LMX1A: variants seen among roughly 807,000 people sequenced by gnomAD.
LMX1A encodes LIM homeobox transcription factor 1 alpha.
A neutral mutation model predicts 49.1 loss-of-function variants in LMX1A; 15 were observed. The ratio of observed to expected loss-of-function variants is 0.31; its 90% confidence interval spans 0.20 to 0.47. LMX1A has a LOEUF of 0.47. LMX1A is among the 20% of genes least tolerant of loss of function. The pLI is 1.00. For missense variants in LMX1A, 372 were observed against 475.8 expected (o/e 0.78, Z 2.03); for synonymous variants, 167 against 185.7 (o/e 0.90, Z 0.82).
At chr1:165,262,699 C>G (rs1653482436) in intron 3 of LMX1A, among the ~76,000 whole-genome samples, 1 of 152,096 alleles carries the variant, frequency 6.6e-6, no homozygotes. Flanking sequence ...TATATTCTCC[C>G]TCTTTGCAAA....
intron 3 of LMX1A, among the ~76,000 whole-genome samples, chr1:165,288,990 G>A (rs1378297614): frequency 1.3e-5 from 2 of 152,298 alleles, no homozygotes; most frequent in East Asian, 3.9e-4. Context: ...ATCAGAGCTG[G>A]CAGCTGGGCC....
chr1:165,303,439 G>A (rs1336583027), intron 3 of LMX1A, among the ~76,000 whole-genome samples: 2 of 152,216 alleles, frequency 1.3e-5, no homozygotes, highest in African/African-American at 2.4e-5. Flanking sequence ...CTGGTGCTTT[G>A]GGTTGTTCAT....
At chr1:165,322,976 C>T (rs1655466594) in intron 3 of LMX1A, among the ~76,000 whole-genome samples, 1 of 152,128 alleles carries the variant, frequency 6.6e-6, no homozygotes, top group Non-Finnish European at 1.5e-5. Context: ...GATCAGAACA[C>T]AATTTGCTGA....
chr1:165,297,161 C>A (rs868487788), intron 3 of LMX1A, among the ~76,000 whole-genome samples: 1 of 152,228 alleles, frequency 6.6e-6, no homozygotes, highest in Non-Finnish European at 1.5e-5. Flanking sequence ...CCTGTCTCTA[C>A]CTCTGTTCAC....
chr1:165,316,861 C>T (rs893616178), intron 3 of LMX1A, among the ~76,000 whole-genome samples: 2 of 152,152 alleles, frequency 1.3e-5, no homozygotes, highest in Admixed American at 6.5e-5. Flanking sequence ...CACTCGGGCC[C>T]GGGCAAAGCT....
chr1:165,258,127 T>C (rs1653309937), intron 3 of LMX1A, among the ~76,000 whole-genome samples: 1 of 152,216 alleles, frequency 6.6e-6, no homozygotes, highest in Non-Finnish European at 1.5e-5. Flanking sequence ...GGGGGCAGCA[T>C]AGCAGCATTC....
At chr1:165,267,095 AG>A (rs1653650718) in intron 3 of LMX1A, among the ~76,000 whole-genome samples, 1 of 152,168 alleles carries the variant, frequency 6.6e-6, no homozygotes, top group African/African-American at 2.4e-5. Context: ...ACCTCTATCT[AG>A]TTCCAAAACA....
intron 3 of LMX1A, among the ~76,000 whole-genome samples, chr1:165,352,766 G>A (rs535351391): frequency 6.6e-6 from 1 of 152,262 alleles, no homozygotes; most frequent in African/African-American, 2.4e-5. Flanking sequence ...CTAACAAAGA[G>A]TGGCCTCTGG....
intron 3 of LMX1A, among the ~76,000 whole-genome samples, chr1:165,250,088 G>C (rs1653002761): frequency 6.6e-6 from 1 of 152,114 alleles, no homozygotes; most frequent in Non-Finnish European, 1.5e-5. Flanking sequence ...GGGGTGGGGT[G>C]GGGGAAGGGA....
At chr1:165,244,925 G>A (rs1394438) in intron 4 of LMX1A, among the ~76,000 whole-genome samples, 100,251 of 151,500 alleles carry the variant, frequency 0.66, 34,277 homozygotes, top group African/African-American at 0.83. Flanking sequence ...GCTGCTTCAA[G>A]GCCATCAGCA....
At chr1:165,213,913 G>C in intron 4 of LMX1A, 100 bp from the exon 5 acceptor site, 1 of 1,042,286 alleles carries the variant, frequency 9.6e-7, no homozygotes, top group Non-Finnish European at 1.4e-6. Flanking sequence ...TTTCCAGGAT[G>C]GCTTTATGTA....
chr1:165,344,781 C>A (rs1222304326), intron 3 of LMX1A, among the ~76,000 whole-genome samples: 1 of 152,196 alleles, frequency 6.6e-6, no homozygotes, highest in Non-Finnish European at 1.5e-5. Flanking sequence ...TGGATAGGAC[C>A]CAGTGACTGC....
At position 165,355,576 on chromosome 1, in the gene LMX1A, G is replaced by C; in HGVS notation, c.-17C>G. ...GTCCAGCATGTTCGGGCCGGGCCGG[G>C]AGGACCTGTAGAGGAGAAGAAACGA... is the stretch of plus-strand genomic sequence containing the variant. On this transcript the variant is annotated 5_prime_UTR_variant, in exon 2 of 9. Coordinates refer to ENST00000342310, the MANE Select transcript of LMX1A (RefSeq NM_177398.4). The surrounding 1 kb of genome is among the most constrained non-coding windows in gnomAD (Gnocchi z 4.7). 1.2e-6 allele frequency: 2 copies of C among 1,612,676 alleles called. No individual in the cohort carries two copies. Among genetic ancestry groups the C allele is most frequent in the Non-Finnish European group, 8.5e-7 (1 of 1,179,400 alleles).
At chr1:165,347,083 C>T (rs1656269124) in intron 3 of LMX1A, among the ~76,000 whole-genome samples, 1 of 152,100 alleles carries the variant, frequency 6.6e-6, no homozygotes, top group Non-Finnish European at 1.5e-5. Context: ...ACTAAAACAC[C>T]TCATATCATG....
chr1:165,293,249 T>C (rs748905331), intron 3 of LMX1A, among the ~76,000 whole-genome samples: 1 of 152,210 alleles, frequency 6.6e-6, no homozygotes, highest in African/African-American at 2.4e-5. Flanking sequence ...TTCCTTCAAT[T>C]TGAGTTTTAT....
intron 3 of LMX1A, among the ~76,000 whole-genome samples, chr1:165,299,856 C>A (rs1008710225): frequency 6.6e-6 from 1 of 151,538 alleles, no homozygotes; most frequent in Non-Finnish European, 1.5e-5. Context: ...GTTAGTTCTT[C>A]CTGACCCCTT....
chr1:165,244,287 T>A (rs142794875), intron 4 of LMX1A, among the ~76,000 whole-genome samples: 403 of 152,248 alleles, frequency 2.6e-3, no homozygotes, highest in Non-Finnish European at 4.9e-3. Flanking sequence ...AATGAGTAAA[T>A]GTAAGTAAAG....
chr1:165,247,799 A>C (rs1429794232), intron 4 of LMX1A, among the ~76,000 whole-genome samples: 2 of 152,210 alleles, frequency 1.3e-5, no homozygotes, highest in Non-Finnish European at 2.9e-5. Flanking sequence ...ATAGCTGTGG[A>C]GATTGAGGCT....
chr1:165,222,920 C>T (rs1651900406), intron 4 of LMX1A, among the ~76,000 whole-genome samples: 1 of 152,168 alleles, frequency 6.6e-6, no homozygotes, highest in Non-Finnish European at 1.5e-5. Flanking sequence ...CCACTACTCA[C>T]CAGCTGTGTG....
Sources: allele counts gnomAD v4.1 joint callset (sites outside exome capture counted in the v4.1 genomes callset), GRCh38; gene constraint gnomAD v4.1.1; non-coding constraint Gnocchi (gnomAD v3.1); transcripts MANE v1.5; gene names NCBI Gene and HGNC (gene_info 2026-07-23, HGNC 2026-07-21).